Variants in LSM2 observed in about 807,000 individuals in gnomAD.
LSM2 encodes the protein LSM2 homolog, U6 small nuclear RNA and mRNA degradation associated.
LSM2 carries 12 observed loss-of-function variants against 17.0 expected under a neutral mutation model. The ratio of observed to expected loss-of-function variants is 0.70; its 90% confidence interval spans 0.45 to 1.14. LSM2 has a LOEUF of 1.14. LSM2 is among the 50% of genes most tolerant of loss of function. The pLI is 0.00. For synonymous variants in LSM2, 42 were observed against 44.5 expected, an observed-to-expected ratio of 0.94 and a Z score of 0.22; for missense variants, 62 against 111.8, an observed-to-expected ratio of 0.55 and a Z score of 2.01.
intron 2 of LSM2, among the ~76,000 whole-genome samples, chr6:31,800,386 CG>C (rs1360746999): frequency 6.6e-6 from 1 of 152,056 alleles, no homozygotes; most frequent in African/African-American, 2.4e-5. Context: ...GTTTTAAAAA[CG>C]TCCTTATCTT....
chr6:31,797,524 C>T lies in LSM2; in HGVS notation c.*233G>A. On this transcript the variant is annotated 3_prime_UTR_variant, in exon 5 of 5. Transcript: ENST00000375661. ...AGAGAAGTAGTGAGAAAGGCAGGTG[C>T]TGGGGACTGGGAAGGCTTTGAAGTT... 2 of 555,482 alleles carry T rather than the reference C, an allele frequency of 3.6e-6. No homozygotes were observed. Among genetic ancestry groups the T allele is most frequent in the Non-Finnish European group, 6.3e-6 (2 of 315,782 alleles). 34.4% of individuals were successfully genotyped at this position (555,482 alleles called of 1,614,324 possible).
intron 2 of LSM2, among the ~76,000 whole-genome samples, chr6:31,801,108 T>C (rs975604994): frequency 4.7e-5 from 7 of 147,982 alleles, no homozygotes; most frequent in Admixed American, 2.0e-4. Context: ...GAGGTAGAGG[T>C]TGCAGTGAGC....
chr6:31,803,814 C>T (rs1814851786), intron 2 of LSM2, among the ~76,000 whole-genome samples: 1 of 151,984 alleles, frequency 6.6e-6, no homozygotes, highest in Non-Finnish European at 1.5e-5. Context: ...CTCGTGACCT[C>T]AGGCATCCAC....
rs1411509404 is a variant in LSM2, at chr6:31,806,821, G to A, written c.-64C>T. 22 of 1,548,594 alleles carry A rather than the reference G, an allele frequency of 1.4e-5. No homozygotes were observed. The highest frequency in any genetic ancestry group is 1.8e-5 in the Non-Finnish European group (21 of 1,153,182). ...CAGCAGGGTGCTGCGAGCAGGTCTG[G>A]GGAAACCGAAGCGCGAGCCCGCGCG... On this transcript the variant is annotated 5_prime_UTR_variant, in exon 1 of 5. Coordinates refer to ENST00000375661, the MANE Select transcript of LSM2 (RefSeq NM_021177.5).
At chr6:31,801,693 G>A (rs1455838412) in intron 2 of LSM2, among the ~76,000 whole-genome samples, 2 of 152,136 alleles carry the variant, frequency 1.3e-5, no homozygotes, top group African/African-American at 2.4e-5. Flanking sequence ...CTATTCGGGA[G>A]GCTGAGGTGG....
In LSM2 at chr6:31,797,682, G is replaced by C. The variant is rs1814452112; in HGVS notation, c.*75C>G. On this transcript the variant is annotated 3_prime_UTR_variant, in exon 5 of 5. Transcript: ENST00000375661. Reference sequence around the variant, plus strand: ...AAACAAAACCCCTTCAAGTATTGGGGGTTAGGGGTTCTGGGCTGGGACTTG... The same window carrying C: ...AAACAAAACCCCTTCAAGTATTGGGCGTTAGGGGTTCTGGGCTGGGACTTG... 6.2e-7 allele frequency: 1 copy of C among 1,603,822 alleles called. No homozygotes were observed. The highest frequency in any genetic ancestry group is 1.1e-5 in the South Asian group (1 of 90,632).
chr6:31,802,929 A>T (rs1814803316), intron 2 of LSM2: 2 of 152,010 alleles, frequency 1.3e-5, no homozygotes, highest in South Asian at 4.1e-4. Context: ...AAAATAAAAT[A>T]AAAAAAATAA....
chr6:31,798,090 T>A (rs756269342), intron 3 of LSM2, 41 bp from the exon 4 acceptor site: 47 of 1,470,354 alleles, frequency 3.2e-5, no homozygotes, highest in African/African-American at 8.6e-5. Flanking sequence ...TATTATTTTT[T>A]TTTTTTTGAG....
intron 3 of LSM2, 93 bp from the exon 4 acceptor site, chr6:31,798,142 T>A: frequency 5.1e-6 from 6 of 1,175,290 alleles, no homozygotes; most frequent in Non-Finnish European, 6.9e-6. Flanking sequence ...AGTGCAATGG[T>A]GCCATCTCGG....
rs1183882954 is a variant in LSM2 at position 31,806,914 on chromosome 6, A to T, written c.-157T>A. ...AGAAAGCTCCAAGCGCTGACGGGCA[A>T]AGCGCGGCCGACTTGCGGCTGGGGA... On this transcript the variant is annotated 5_prime_UTR_variant, in exon 1 of 5. It adds an upstream start codon to the 5' untranslated region. Transcript: ENST00000375661. 1 of 1,010,512 alleles carries T rather than the reference A, an allele frequency of 9.9e-7. No individual in the cohort carries two copies. The highest frequency in any genetic ancestry group is 1.7e-5 in the African/African-American group (1 of 58,254). 62.6% of individuals were successfully genotyped at this position (1,010,512 alleles called of 1,614,324 possible).
At chr6:31,799,379 T>C (rs1814567438) in intron 2 of LSM2, among the ~76,000 whole-genome samples, 1 of 151,990 alleles carries the variant, frequency 6.6e-6, no homozygotes. Context: ...TTTTTTGAGA[T>C]GGAGTCTCGC....
At chr6:31,800,675 CAGG>C (rs1454431224) in intron 2 of LSM2, among the ~76,000 whole-genome samples, 3 of 152,118 alleles carry the variant, frequency 2.0e-5, no homozygotes, top group African/African-American at 7.2e-5. Context: ...ATCACGAGGT[CAGG>C]AGATCGAGAC....
chr6:31,799,511 C>A (rs971722317), intron 2 of LSM2, among the ~76,000 whole-genome samples: 1 of 152,144 alleles, frequency 6.6e-6, no homozygotes, highest in Non-Finnish European at 1.5e-5. Context: ...TGCCGGCCAC[C>A]ACTCCTGGCT....
rs1367613493 is a variant in LSM2 at position 31,803,470 on chromosome 6, T to C, written c.71+2605A>G. ...CTGCACTACAGCCTGGACAACAGAG[T>C]GAGACCCCCATCTCAAAAAAATAAA... On this transcript the variant is annotated intron_variant, in intron 2 of 4. Coordinates refer to ENST00000375661, the MANE Select transcript of LSM2 (RefSeq NM_021177.5). Among the ~76,000 whole-genome samples the C allele has an allele frequency of 3.3e-5, 5 of 151,928 alleles. No individual in the cohort carries two copies. In the South Asian group the frequency reaches 6.3e-4, roughly 19 times the overall value.
Position 31,806,828 on chromosome 6 carries a change from C to A in LSM2, c.-71G>T, listed in dbSNP as rs1815072200. 12 of 1,531,376 alleles carry A rather than the reference C, an allele frequency of 7.8e-6. No individual in the cohort carries two copies. The South Asian group carries it at 1.4e-4, about 17-fold the overall frequency. 94.9% of individuals were successfully genotyped at this position (1,531,376 alleles called of 1,614,324 possible). ...GTGCTGCGAGCAGGTCTGGGGAAAC[C>A]GAAGCGCGAGCCCGCGCGTGGGGCG... On this transcript the variant is annotated 5_prime_UTR_variant, in exon 1 of 5. Transcript: ENST00000375661.
chr6:31,806,827 C>G lies in LSM2; in HGVS notation c.-70G>C. 1 of 1,532,620 alleles carries G rather than the reference C, an allele frequency of 6.5e-7. No homozygotes were observed. Among genetic ancestry groups the G allele is most frequent in the Non-Finnish European group, 8.7e-7 (1 of 1,145,208 alleles). 94.9% of individuals were successfully genotyped at this position (1,532,620 alleles called of 1,614,324 possible). The stretch of plus-strand genomic sequence containing the variant: ...GGTGCTGCGAGCAGGTCTGGGGAAA[C>G]CGAAGCGCGAGCCCGCGCGTGGGGC... On this transcript the variant is annotated 5_prime_UTR_variant, in exon 1 of 5. Transcript: ENST00000375661.
Position 31,797,978 on chromosome 6 carries a change from A to T in LSM2, c.162+12T>A. On this transcript the variant is annotated intron_variant, in intron 4 of 4. Coordinates refer to ENST00000375661, the MANE Select transcript of LSM2 (RefSeq NM_021177.5). ...TAGAGGTGTTTCCTCTTCTCCACAG[A>T]CCCCAACTCACCATGTGAGGGTATT... 2 of 1,607,138 alleles carry T rather than the reference A, an allele frequency of 1.2e-6. No homozygotes were observed. The highest frequency in any genetic ancestry group is 1.7e-6 in the Non-Finnish European group (2 of 1,176,886).
Position 31,806,955 on chromosome 6 carries a change from A to C in LSM2, c.-198T>G, listed in dbSNP as rs1651529993. 1 of 619,200 alleles carries C rather than the reference A, an allele frequency of 1.6e-6. No individual in the cohort carries two copies. Among genetic ancestry groups the C allele is most frequent in the African/African-American group, 2.0e-5 (1 of 50,686 alleles). The allele number at this position is 619,200 out of a possible 1,614,324, so 38.4% of individuals were successfully genotyped here. ...CGGCTGGGGAGCGCAAGCTGGGTAG[A>C]GTAGAGGGGAGGAGGAAGCCGGGAA... On this transcript the variant is annotated 5_prime_UTR_variant, in exon 1 of 5. Coordinates refer to ENST00000375661, the MANE Select transcript of LSM2 (RefSeq NM_021177.5).
intron 2 of LSM2, among the ~76,000 whole-genome samples, chr6:31,803,878 C>T (rs1814856210): frequency 6.6e-6 from 1 of 151,998 alleles, no homozygotes; most frequent in South Asian, 2.1e-4. Context: ...CCGCATCTGG[C>T]CTAAATGTAC....
Sources: allele counts gnomAD v4.1 joint callset (sites outside exome capture counted in the v4.1 genomes callset), GRCh38; gene constraint gnomAD v4.1.1; transcripts MANE v1.5; gene names NCBI Gene and HGNC (gene_info 2026-07-23, HGNC 2026-07-21).